Variants in IPO11 observed in about 807,000 individuals in gnomAD.
IPO11 encodes the protein importin-11.
In IPO11, 66 loss-of-function variants were observed where a neutral mutation model predicts 143.2. The ratio of observed to expected loss-of-function variants is 0.46; its 90% CI spans 0.38 to 0.57. The LOEUF (loss-of-function observed/expected upper bound fraction) is 0.57. IPO11 is among the 20% of genes least tolerant of loss of function. IPO11 has a pLI of 0.00. For synonymous variants in IPO11, 385 were observed against 377.8 expected, an observed-to-expected ratio of 1.02 and a Z score of -0.22; for missense variants, 1,026 against 1,141.0, an observed-to-expected ratio of 0.90 and a Z score of 1.45.
In IPO11 at chr5:62,581,461, A is replaced by G. The variant is rs1033646378; in HGVS notation, c.2583-10116A>G. The G allele has an allele frequency of 1.7e-5, 11 of 646,056 alleles. No homozygotes were observed. The Middle Eastern group carries it at 2.2e-3, about 128-fold the overall frequency. 40.0% of individuals were successfully genotyped at this position (646,056 alleles called of 1,614,324 possible). A position where few individuals can be genotyped will look rare whatever the true frequency, so the allele number is the denominator to read the frequency against. The stretch of plus-strand genomic sequence containing the variant: ...GTTTTTAATAATTTGTGAACAGTGT[A>G]TTCATTTAGCAAATATTTTCTTTGA... On this transcript the variant is annotated intron_variant, in intron 27 of 29. Coordinates refer to ENST00000325324, the MANE Select transcript of IPO11 (RefSeq NM_016338.5).
At chr5:62,502,917 G>C (rs1378719565) in intron 16 of IPO11, among the ~76,000 whole-genome samples, 1 of 152,072 alleles carries the variant, frequency 6.6e-6, no homozygotes, top group Non-Finnish European at 1.5e-5. Context: ...TCGCCTCCCA[G>C]GTTCAAGCGA....
At chr5:62,496,214 G>A (rs1741146838) in intron 16 of IPO11, among the ~76,000 whole-genome samples, 1 of 151,928 alleles carries the variant, frequency 6.6e-6, no homozygotes, top group Non-Finnish European at 1.5e-5. Context: ...CTTGAACCTG[G>A]GAGGCAAAGG....
At chr5:62,527,268 G>A (rs1742399037) in intron 21 of IPO11, among the ~76,000 whole-genome samples, 1 of 152,152 alleles carries the variant, frequency 6.6e-6, no homozygotes. Context: ...TAGATCAGAG[G>A]TTGGCAAACT....
intron 29 of IPO11, among the ~76,000 whole-genome samples, chr5:62,616,902 C>A (rs755489800): frequency 6.6e-6 from 1 of 152,092 alleles, no homozygotes; most frequent in African/African-American, 2.4e-5. Flanking sequence ...ATTATTGATA[C>A]ACCATTTGAT....
At position 62,483,138 on chromosome 5, in the gene IPO11, C is replaced by T. The variant is rs1169943707; in HGVS notation, c.866C>T (p.Thr289Ile). The change falls in exon 10 of 30, where the codon ACT (threonine) becomes ATT (isoleucine). Residue 289 changes from threonine (T) to isoleucine (I), a missense_variant. Transcript: ENST00000325324. ...TTGGATCAGCATCCTTTTTCATTTACTCCTCTAATTCAGAGATCACTGGAA... is the reference window on the plus strand; with the variant it reads ...TTGGATCAGCATCCTTTTTCATTTATTCCTCTAATTCAGAGATCACTGGAA... ...DFLDQHPFSF[T>I]PLIQRSLEFS... 5 of 1,604,436 alleles carry T rather than the reference C, an allele frequency of 3.1e-6. No homozygotes were observed. The highest frequency in any genetic ancestry group is 4.3e-6 in the Non-Finnish European group (5 of 1,175,424).
intron 5 of IPO11, among the ~76,000 whole-genome samples, chr5:62,453,499 G>A (rs1038064922): frequency 6.9e-6 from 1 of 144,564 alleles, no homozygotes; most frequent in African/African-American, 2.9e-5. Context: ...GTCTTTTTAT[G>A]TTGCCTTTAT....
intron 19 of IPO11, among the ~76,000 whole-genome samples, chr5:62,513,393 G>A (rs1229953207): frequency 7.1e-6 from 1 of 141,772 alleles, no homozygotes; most frequent in African/African-American, 2.6e-5. Flanking sequence ...GGACGGGGCG[G>A]CTGGCCGGGA....
rs768704349 is a variant in IPO11 at position 62,614,358 on chromosome 5, G to A, written c.2763+12510G>A. On this transcript the variant is annotated intron_variant, in intron 29 of 29. Coordinates refer to ENST00000325324, the MANE Select transcript of IPO11 (RefSeq NM_016338.5). ...CAGACAAAGAGGAGGAAGGATCTTT[G>A]TTTAATAGTGGTTCTCAACTGGGTA... Among the ~76,000 whole-genome samples, 81 of 152,330 alleles carry A rather than the reference G, an allele frequency of 5.3e-4. 1 individual carries two copies. Among genetic ancestry groups the A allele is most frequent in the Middle Eastern group, 3.4e-3 (1 of 294 alleles).
chr5:62,594,919 A>G (rs911694952), intron 28 of IPO11, among the ~76,000 whole-genome samples: 3 of 152,224 alleles, frequency 2.0e-5, no homozygotes, highest in African/African-American at 7.2e-5. Context: ...TGTGAAATAC[A>G]AAGAATTGTG....
chr5:62,546,140 C>CA (rs1743168510), intron 24 of IPO11, among the ~76,000 whole-genome samples: 1 of 152,186 alleles, frequency 6.6e-6, no homozygotes, highest in Admixed American at 6.5e-5. Context: ...TATAAAGACA[C>CA]ATGCACACGT....
intron 4 of IPO11, 112 bp downstream of exon 4, chr5:62,450,111 C>G: frequency 1.7e-6 from 1 of 577,116 alleles, no homozygotes; most frequent in Non-Finnish European, 2.9e-6. Context: ...ACACTATTTT[C>G]ATTTGTGATG....
intron 28 of IPO11, among the ~76,000 whole-genome samples, chr5:62,598,408 CTTTCTTTCTTTCTTTCTTTCTT>C (rs1561380453): frequency 6.4e-5 from 1 of 15,560 alleles, no homozygotes; most frequent in Non-Finnish European, 9.7e-5. Context: ...TTCTTTCTTT[CTTTCTTTCTTTCTTTCTTTCTT>C]TCTCTCTCTC....
At chr5:62,483,943 A>T in intron 10 of IPO11, 67 bp from the exon 11 acceptor site, 1 of 1,319,790 alleles carries the variant, frequency 7.6e-7, no homozygotes, top group Non-Finnish European at 1.0e-6. Flanking sequence ...TATTTATTTA[A>T]GTTACATAAT....
At chr5:62,529,161 C>T (rs1314700764) in intron 21 of IPO11, among the ~76,000 whole-genome samples, 1 of 152,046 alleles carries the variant, frequency 6.6e-6, no homozygotes, top group African/African-American at 2.4e-5. Flanking sequence ...TTAATATAAA[C>T]ATTTAATACA....
intron 19 of IPO11, among the ~76,000 whole-genome samples, chr5:62,506,742 A>G (rs889212910): frequency 5.3e-5 from 8 of 152,156 alleles, no homozygotes; most frequent in African/African-American, 1.9e-4. Context: ...GGTCTGCATT[A>G]TATTTACATT....
At chr5:62,534,255 A>C (rs1742662836) in intron 22 of IPO11, among the ~76,000 whole-genome samples, 1 of 152,174 alleles carries the variant, frequency 6.6e-6, no homozygotes. Context: ...CTCATTACTT[A>C]AAAGATCAGC....
intron 24 of IPO11, 109 bp downstream of exon 24, chr5:62,537,398 C>G: frequency 1.4e-6 from 1 of 700,344 alleles, no homozygotes; most frequent in Non-Finnish European, 2.4e-6. Context: ...TGATATAGTT[C>G]TAGACAGGCT....
At chr5:62,600,685 T>TTACA (rs1561382092) in intron 28 of IPO11, among the ~76,000 whole-genome samples, 1 of 152,100 alleles carries the variant, frequency 6.6e-6, no homozygotes, top group Non-Finnish European at 1.5e-5. Context: ...CTACACTGTA[T>TTACA]TATATCATGG....
intron 29 of IPO11, among the ~76,000 whole-genome samples, chr5:62,604,286 G>T (rs1185813976): frequency 6.6e-6 from 1 of 152,136 alleles, no homozygotes; most frequent in Non-Finnish European, 1.5e-5. Context: ...TCGGCTCTCT[G>T]CAACCTCCGC....
Sources: gnomAD v4.1 joint callset for allele counts (sites outside exome capture counted in the v4.1 genomes callset) on GRCh38, gnomAD v4.1.1 for gene constraint, MANE v1.5 for transcripts, NCBI Gene and HGNC (gene_info 2026-07-23, HGNC 2026-07-21) for gene names.